The following ZFP36L1 variants were observed in gnomAD, a reference collection of about 807,000 sequenced individuals.
ZFP36L1 encodes ZFP36 like 1 zinc finger CCCH-type.
In ZFP36L1, 4 loss-of-function variants were observed where a neutral mutation model predicts 16.7. The observed-to-expected ratio is 0.24, with a 90% CI of 0.12 to 0.55. ZFP36L1 has a LOEUF of 0.55. Ranked by LOEUF, ZFP36L1 falls within the 20% of genes least tolerant of loss-of-function variation. The pLI is 0.94. For synonymous variants in ZFP36L1, 220 were observed against 190.8 expected, an observed-to-expected ratio of 1.15 and a Z score of -1.26; for missense variants, 311 against 449.2, an observed-to-expected ratio of 0.69 and a Z score of 2.78.
Position 68,790,003 on chromosome 14 carries a change from G to A in ZFP36L1, c.547C>T (p.Arg183Cys). The change falls in exon 2 of 2, where the codon CGT (arginine) becomes TGT (cysteine). Residue 183 changes from arginine (R) to cysteine (C), a missense_variant. Arg to Cys is a radical substitution (Grantham distance 180). Coordinates refer to ENST00000439696, the MANE Select transcript of ZFP36L1 (RefSeq NM_004926.4). Reference sequence around the variant, plus strand: ...AGGTCCCGGGCCCCGGCCAGGGCACGGCGCTCTTCAGCGTTGTGGATGAAG... The same window carrying A: ...AGGTCCCGGGCCCCGGCCAGGGCACAGCGCTCTTCAGCGTTGTGGATGAAG... ...CHFIHNAEERRALAGARDLSA... is the reference protein window; with the variant it reads ...CHFIHNAEERCALAGARDLSA... 1.2e-6 allele frequency: 2 copies of A among 1,608,230 alleles called. No homozygotes were observed. The highest frequency in any genetic ancestry group is 1.3e-5 in the African/African-American group (1 of 74,792).
At chr14:68,792,355 A>G (rs141789606) in intron 1 of ZFP36L1, among the ~76,000 whole-genome samples, 10 of 152,286 alleles carry the variant, frequency 6.6e-5, no homozygotes, top group Admixed American at 1.3e-4. Context: ...CTTGTTCTGC[A>G]ACATCTTTTT....
chr14:68,792,783 A>AC, intron 1 of ZFP36L1, 99 bp downstream of exon 1: 1 of 1,500,384 alleles, frequency 6.7e-7, no homozygotes, highest in Non-Finnish European at 9.2e-7. Context: ...TCGCTGCACC[A>AC]CTTTCCCCAT....
At chr14:68,792,489 G>A (rs1895113391) in intron 1 of ZFP36L1, among the ~76,000 whole-genome samples, 1 of 152,122 alleles carries the variant, frequency 6.6e-6, no homozygotes, top group Admixed American at 6.5e-5. Context: ...GGTGGGTAAT[G>A]CCGCTGGACA....
intron 1 of ZFP36L1, among the ~76,000 whole-genome samples, chr14:68,791,852 C>T (rs1483161026): frequency 6.6e-6 from 1 of 152,194 alleles, no homozygotes; most frequent in African/African-American, 2.4e-5. Context: ...CCCAACCCTG[C>T]AGCCCTGGGG....
intron 1 of ZFP36L1, among the ~76,000 whole-genome samples, chr14:68,792,348 G>A (rs530265345): frequency 1.3e-5 from 2 of 152,290 alleles, no homozygotes; most frequent in Admixed American, 6.5e-5. Flanking sequence ...CTGCAAACTT[G>A]TTCTGCAACA....
upstream of ZFP36L1, chr14:68,793,914 C>G (rs1359960246): frequency 2.8e-6 from 2 of 726,750 alleles, no homozygotes; most frequent in Non-Finnish European, 3.3e-6. Flanking sequence ...CCGGCGCTCT[C>G]CGGGTGTGGG....
At position 68,788,872 on chromosome 14, in the gene ZFP36L1, T is replaced by C. The variant is rs1894983281; in HGVS notation, c.*661A>G. The C allele has an allele frequency of 7.0e-6, 1 of 141,902 alleles. No individual in the cohort carries two copies. The highest frequency in any genetic ancestry group is 2.2e-4 in the South Asian group (1 of 4,566). The allele number at this position is 141,902 out of a possible 1,614,324, so 8.8% of individuals were successfully genotyped here. A position where few individuals can be genotyped will look rare whatever the true frequency, so the allele number is the denominator to read the frequency against. On this transcript the variant is annotated 3_prime_UTR_variant, in exon 2 of 2. Transcript: ENST00000439696. ...AGATCGGGAAGAAAAAGGTTTTGAA[T>C]GTCAAGACAGGTTTCCCCCAAAACC...
At position 68,788,079 on chromosome 14, in the gene ZFP36L1, A is replaced by G. The variant is rs541398878; in HGVS notation, c.*1454T>C. 2.0e-5 allele frequency: 3 copies of G among 152,650 alleles called. No homozygotes were observed. The highest frequency in any genetic ancestry group is 6.5e-5 in the Admixed American group (1 of 15,294). The allele number at this position is 152,650 out of a possible 1,614,324, so 9.5% of individuals were successfully genotyped here. On this transcript the variant is annotated 3_prime_UTR_variant, in exon 2 of 2. Coordinates refer to ENST00000439696, the MANE Select transcript of ZFP36L1 (RefSeq NM_004926.4). ...TTTGCAGTCCAACACAAAGGGGGGA[A>G]TTTCTAAAATAAATAATCCAACAGT...
rs1439816798 is a variant in ZFP36L1, at chr14:68,792,758, G to A, written c.57+124C>T. On this transcript the variant is annotated intron_variant, in intron 1 of 1. Transcript: ENST00000439696. Reference sequence around the variant, plus strand: ...TTCAAACTTGGGAGAAATGCCGGAGGAGAAAAGAATCATCTCGCTGCACCA... The same window carrying A: ...TTCAAACTTGGGAGAAATGCCGGAGAAGAAAAGAATCATCTCGCTGCACCA... 6 of 1,358,896 alleles carry A rather than the reference G, an allele frequency of 4.4e-6. No homozygotes were observed. The East Asian group carries it at 9.4e-5, about 21-fold the overall frequency. 84.2% of individuals were successfully genotyped at this position (1,358,896 alleles called of 1,614,324 possible).
upstream of ZFP36L1, chr14:68,793,372 CG>C (rs1251221281): frequency 9.0e-6 from 9 of 1,004,316 alleles, no homozygotes; most frequent in Non-Finnish European, 1.1e-5. Flanking sequence ...CTTCCCTACC[CG>C]GCGCTTCAGG....
At chr14:68,795,465 C>A (rs995143267), upstream of ZFP36L1, among the ~76,000 whole-genome samples, 5 of 152,250 alleles carry the variant, frequency 3.3e-5, no homozygotes, top group Non-Finnish European at 5.9e-5. Flanking sequence ...GGGCCTGTCC[C>A]CGCGGGGCAC....
In ZFP36L1 at chr14:68,790,249, T is replaced by C; in HGVS notation, c.301A>G (p.Thr101Ala). Residue 101 changes from threonine (T) to alanine (A), a missense_variant, in exon 2 of 2, where the codon ACC becomes GCC. Physicochemically the swap from Thr to Ala is moderately conservative, Grantham distance 58. Coordinates refer to ENST00000439696, the MANE Select transcript of ZFP36L1 (RefSeq NM_004926.4). Reference protein sequence around the residue: ...FSEGGERLLPTQKQPGGGQVN... With the variant: ...FSEGGERLLPAQKQPGGGQVN... ...TGGCCGCCCCCGGGCTGCTTCTGGG[T>C]GGGCAGCAGCCGCTCGCCCCCTTCC... 6.2e-7 allele frequency: 1 copy of C among 1,611,366 alleles called. No homozygotes were observed. Among genetic ancestry groups the C allele is most frequent in the East Asian group, 2.2e-5 (1 of 44,858 alleles).
chr14:68,789,309 G>T lies in ZFP36L1; in HGVS notation c.*224C>A, dbSNP rs1424675074. The stretch of plus-strand genomic sequence containing the variant: ...GTGGGCTATAAAATCCAGGGAGGGG[G>T]TTTCAAGCCAGAAGAAGCTACTGAC... On this transcript the variant is annotated 3_prime_UTR_variant, in exon 2 of 2. Coordinates refer to ENST00000439696, the MANE Select transcript of ZFP36L1 (RefSeq NM_004926.4). The surrounding 1 kb of genome is among the most constrained non-coding windows in gnomAD (Gnocchi z 4.5). The T allele has an allele frequency of 1.0e-5, 6 of 599,316 alleles. No homozygotes were observed. The East Asian group carries it at 1.5e-4, about 15-fold the overall frequency. The allele number at this position is 599,316 out of a possible 1,614,324, so 37.1% of individuals were successfully genotyped here. A position where few individuals can be genotyped will look rare whatever the true frequency, so the allele number is the denominator to read the frequency against.
rs1438025767 is a variant in ZFP36L1, at chr14:68,793,060, C to G, written c.-122G>C. The G allele has an allele frequency of 5.7e-6, 9 of 1,591,334 alleles. No individual in the cohort carries two copies. Among genetic ancestry groups the G allele is most frequent in the Non-Finnish European group, 6.8e-6 (8 of 1,172,914 alleles). On this transcript the variant is annotated 5_prime_UTR_variant, in exon 1 of 2. Coordinates refer to ENST00000439696, the MANE Select transcript of ZFP36L1 (RefSeq NM_004926.4). The stretch of plus-strand genomic sequence containing the variant: ...CCAGTTCCCGGCGCCCCTCGCCTTT[C>G]TGACTCCGGGCTGGGGCGCGCAAAG...
At chr14:68,795,957 G>T, upstream of ZFP36L1, 1 of 1,291,422 alleles carries the variant, frequency 7.7e-7, no homozygotes, top group Non-Finnish European at 1.0e-6. Context: ...CGGGAGGGCG[G>T]CCCTACGGTG....
upstream of ZFP36L1, chr14:68,795,898 G>C (rs749815542): frequency 1.1e-6 from 1 of 877,000 alleles, no homozygotes; most frequent in Non-Finnish European, 1.7e-6. Context: ...CCGAGGGCGG[G>C]AGCCGACCCG....
In ZFP36L1 at chr14:68,791,897, G is replaced by C. The variant is rs368840504; in HGVS notation, c.57+985C>G. 3.9e-5 allele frequency among the ~76,000 whole-genome samples: 6 copies of C among 152,284 alleles called. No individual in the cohort carries two copies. The East Asian group carries it at 1.2e-3, about 29-fold the overall frequency. On this transcript the variant is annotated intron_variant, in intron 1 of 1. Transcript: ENST00000439696. ...CTGCACCAACAGGAGCAGCAAGCTG[G>C]GAAAACAGAGCAACATGACCCGACG...
intron 1 of ZFP36L1, among the ~76,000 whole-genome samples, chr14:68,792,160 T>G (rs1450121054): frequency 1.3e-5 from 2 of 152,118 alleles, no homozygotes; most frequent in South Asian, 2.1e-4. Context: ...ACTCTCGAGT[T>G]CAAGCCAGCA....
chr14:68,789,492 G>A lies in ZFP36L1; in HGVS notation c.*41C>T, dbSNP rs1419215045. The stretch of plus-strand genomic sequence containing the variant: ...AGAGGGTATGGGATGTGGGTGCAGG[G>A]TAGGGGCTGGAGTAGGCAGGAGGTC... On this transcript the variant is annotated 3_prime_UTR_variant, in exon 2 of 2. Transcript: ENST00000439696. This position sits in a 1 kb window ranked among gnomAD's most constrained non-coding sequence, Gnocchi z 4.5. 3 of 1,611,572 alleles carry A rather than the reference G, an allele frequency of 1.9e-6. No individual in the cohort carries two copies. Among genetic ancestry groups the A allele is most frequent in the Non-Finnish European group, 1.7e-6 (2 of 1,179,630 alleles).
Sources: gnomAD v4.1 joint callset for allele counts (sites outside exome capture counted in the v4.1 genomes callset) on GRCh38, gnomAD v4.1.1 for gene constraint, Gnocchi (gnomAD v3.1) non-coding constraint, MANE v1.5 for transcripts, NCBI Gene and HGNC (gene_info 2026-07-23, HGNC 2026-07-21) for gene names.